The following TENM1 variants were observed in gnomAD, a reference collection of about 807,000 sequenced individuals.
The protein encoded by TENM1 is teneurin transmembrane protein 1, also known as teneurin-1.
In TENM1, 35 loss-of-function variants were observed where a neutral mutation model predicts 174.8. That is an observed-to-expected ratio of 0.20 (90% CI 0.15 to 0.27). TENM1 has a LOEUF of 0.27. TENM1 is among the 10% of genes least tolerant of loss of function. The probability of loss-of-function intolerance (pLI) is 1.00; values close to 1 mark genes in which losing one functional copy is unlikely to be tolerated. For missense variants in TENM1, 1,633 were observed against 2,130.1 expected (o/e 0.77, Z 4.59); for synonymous variants, 781 against 798.7 (o/e 0.98, Z 0.37).
intron 1 of TENM1, among the ~76,000 whole-genome samples, chrX:124,902,728 T>C (rs2057683334): frequency 8.9e-6 from 1 of 112,719 alleles, no homozygotes; most frequent in South Asian, 3.6e-4. Flanking sequence ...AAACACAGCT[T>C]CACTGAACAC....
chrX:124,964,994 T>C (rs368280218), upstream of TENM1, among the ~76,000 whole-genome samples: 27 of 112,304 alleles, frequency 2.4e-4, no homozygotes, highest in Non-Finnish European at 4.5e-4. Flanking sequence ...GCCAAGCACA[T>C]AGAACACAGA....
the TENM1 span, among the ~76,000 whole-genome samples, chrX:124,998,379 G>T: frequency 9.1e-6 from 1 of 109,485 alleles, no homozygotes; most frequent in Non-Finnish European, 1.9e-5. Flanking sequence ...TAATTTTAGC[G>T]GGAGGGCTAT....
chrX:125,008,952 C>G, the TENM1 span, among the ~76,000 whole-genome samples: 1 of 110,915 alleles, frequency 9.0e-6, no homozygotes, highest in East Asian at 2.8e-4. Flanking sequence ...AGTCGACACC[C>G]TAACATCACA....
At chrX:124,693,159 T>C (rs2052569755) in intron 5 of TENM1, among the ~76,000 whole-genome samples, 1 of 110,762 alleles carries the variant, frequency 9.0e-6, no homozygotes, top group Non-Finnish European at 1.9e-5. Flanking sequence ...GAGATGATTA[T>C]AAATAATAAT....
intron 3 of TENM1, among the ~76,000 whole-genome samples, chrX:124,763,673 T>C (rs1327783407): frequency 1.8e-5 from 2 of 112,013 alleles, no homozygotes; most frequent in African/African-American, 6.5e-5. Flanking sequence ...AGGTCTCTAT[T>C]GTAGAGCCAT....
chrX:125,116,297 T>C, the TENM1 span, among the ~76,000 whole-genome samples: 4 of 112,011 alleles, frequency 3.6e-5, no homozygotes, highest in Non-Finnish European at 5.6e-5. Flanking sequence ...GAAGAGAACC[T>C]AGGCAATACC....
intron 14 of TENM1, among the ~76,000 whole-genome samples, chrX:124,560,191 T>TTGTGTGTGTGTGTG (rs375476919): frequency 3.4e-4 from 30 of 88,212 alleles, no homozygotes; most frequent in African/African-American, 9.7e-4. Context: ...TCTCTTCTAT[T>TTGTGTGTGTGTGTG]TGTGTGTGTG....
chrX:124,860,810 C>A (rs1319502607), intron 3 of TENM1, among the ~76,000 whole-genome samples: 1 of 111,755 alleles, frequency 8.9e-6, no homozygotes, highest in African/African-American at 3.2e-5. Flanking sequence ...CTGAGATTTA[C>A]CTTGGGCTAA....
the TENM1 span, among the ~76,000 whole-genome samples, chrX:125,159,164 TG>T: frequency 1.8e-5 from 2 of 111,676 alleles, no homozygotes; most frequent in Non-Finnish European, 3.8e-5. Context: ...GCTCTATGGG[TG>T]TATGATTGCT....
chrX:125,039,825 C>CTTTTTTTTTTTTTTTTTTTT, the TENM1 span, among the ~76,000 whole-genome samples: 1 of 111,383 alleles, frequency 9.0e-6, no homozygotes, highest in African/African-American at 3.3e-5. Context: ...TGAGCCTTTT[C>CTTTTTTTTTTTTTTTTTTTT]TTATTAACCT....
the TENM1 span, among the ~76,000 whole-genome samples, chrX:125,161,053 A>AAC: frequency 9.3e-6 from 1 of 107,723 alleles, no homozygotes; most frequent in African/African-American, 3.4e-5. Flanking sequence ...AAAAAAAAAA[A>AAC]AAAAAAAACA....
At chrX:124,488,205 G>A (rs1018969225) in intron 20 of TENM1, among the ~76,000 whole-genome samples, 2 of 112,101 alleles carry the variant, frequency 1.8e-5, no homozygotes, top group African/African-American at 3.2e-5. Flanking sequence ...CTGACTTTGG[G>A]TCAAGTCTGC....
chrX:125,118,968 A>T, the TENM1 span, among the ~76,000 whole-genome samples: 3 of 111,583 alleles, frequency 2.7e-5, no homozygotes, highest in Non-Finnish European at 5.7e-5. Context: ...AGAGAAATTC[A>T]TGGGGTTTTG....
chrX:124,586,153 T>A (rs757914629), intron 11 of TENM1, among the ~76,000 whole-genome samples: 4 of 109,694 alleles, frequency 3.6e-5, no homozygotes, highest in South Asian at 4.0e-4. Context: ...TTCCAATCAA[T>A]AGAAAAAGAG....
chrX:124,431,460 G>T (rs2060778103), intron 23 of TENM1, among the ~76,000 whole-genome samples: 1 of 112,025 alleles, frequency 8.9e-6, no homozygotes, highest in Non-Finnish European at 1.9e-5. Flanking sequence ...ACAGTGACAG[G>T]ACTGAGTGCT....
intron 24 of TENM1, among the ~76,000 whole-genome samples, chrX:124,421,823 C>G (rs2060657235): frequency 9.0e-6 from 1 of 111,399 alleles, no homozygotes; most frequent in South Asian, 3.8e-4. Context: ...ATCTGAAAAC[C>G]AACCACTTAT....
intron 15 of TENM1, among the ~76,000 whole-genome samples, chrX:124,543,437 G>A (rs936515601): frequency 4.5e-5 from 5 of 111,749 alleles, no homozygotes; most frequent in Non-Finnish European, 7.5e-5. Context: ...ACTAACCCTG[G>A]TAAGATTTTG....
intron 1 of TENM1, among the ~76,000 whole-genome samples, chrX:124,927,245 A>G (rs967948789): frequency 9.0e-6 from 1 of 111,530 alleles, no homozygotes; most frequent in African/African-American, 3.3e-5. Flanking sequence ...GCAATAAACC[A>G]TAGTTCTAAG....
chrX:124,837,717 A>AG (rs758413961), intron 3 of TENM1, among the ~76,000 whole-genome samples: 1 of 111,793 alleles, frequency 8.9e-6, no homozygotes, highest in Non-Finnish European at 1.9e-5. Flanking sequence ...GATGACGAAA[A>AG]GGAATTACTG....
Sources: gnomAD v4.1 joint callset for allele counts (sites outside exome capture counted in the v4.1 genomes callset) on GRCh38, gnomAD v4.1.1 for gene constraint, MANE v1.5 for transcripts, NCBI Gene and HGNC (gene_info 2026-07-23, HGNC 2026-07-21) for gene names.